Variants in BBS2 observed in about 807,000 individuals in gnomAD.
BBS2 encodes BBSome complex member BBS2.
BBS2 carries 62 observed loss-of-function variants against 83.0 expected under a neutral mutation model. The ratio of observed to expected loss-of-function variants is 0.75; its 90% CI spans 0.61 to 0.92. The LOEUF is 0.92. Ranked by LOEUF, BBS2 falls within the 40% of genes least tolerant of loss-of-function variation. The pLI is 0.00. For synonymous variants in BBS2, 303 were observed against 326.1 expected, an observed-to-expected ratio of 0.93 and a Z score of 0.76; for missense variants, 784 against 901.0, an observed-to-expected ratio of 0.87 and a Z score of 1.66.
chr16:56,476,014 C>G (rs1365924849), intron 17 of BBS2: 1 of 1,586,008 alleles, frequency 6.3e-7, no homozygotes, highest in Non-Finnish European at 8.6e-7. Flanking sequence ...GTTCTGTGTT[C>G]TGATGTGTCA....
At chr16:56,491,673 A>T (rs1963953208) in intron 15 of BBS2, among the ~76,000 whole-genome samples, 1 of 151,868 alleles carries the variant, frequency 6.6e-6, no homozygotes, top group Non-Finnish European at 1.5e-5. Context: ...GAATTAAAAC[A>T]ATGAAAAATG....
chr16:56,519,600 A>T, intron 1 of BBS2, 146 bp downstream of exon 1: 1 of 659,986 alleles, frequency 1.5e-6, no homozygotes, highest in Non-Finnish European at 2.7e-6. Flanking sequence ...CCTCTGCAGG[A>T]TGGAGCCACA....
chr16:56,490,112 TCACA>T (rs1166402599), intron 15 of BBS2, among the ~76,000 whole-genome samples: 2 of 137,894 alleles, frequency 1.5e-5, no homozygotes, highest in Non-Finnish European at 3.1e-5. Flanking sequence ...AGACCCTATC[TCACA>T]CACACACACA....
chr16:56,519,790 C>T lies in BBS2; in HGVS notation c.73G>A (p.Asp25Asn). The T allele has an allele frequency of 6.2e-7, 1 of 1,613,760 alleles. No homozygotes were observed. The highest frequency in any genetic ancestry group is 8.5e-7 in the Non-Finnish European group (1 of 1,179,808). Residue 25 changes from aspartate to asparagine, a missense_variant, in exon 1 of 17, where the codon GAC (aspartate) becomes AAC (asparagine). Physicochemically the swap from Asp to Asn is conservative, Grantham distance 23. Coordinates refer to ENST00000245157, the MANE Select transcript of BBS2 (RefSeq NM_031885.5). ...GCCGCCAGGCACGGGTGAGTCCCGT[C>T]GTAGCGCCCTATGGCCACCATTCGG... ...SPRMVAIGRY[D>N]GTHPCLAAAT... is the part of the protein sequence containing the mutation.
At chr16:56,516,545 C>T (rs1183724736) in intron 1 of BBS2, among the ~76,000 whole-genome samples, 3 of 151,956 alleles carry the variant, frequency 2.0e-5, no homozygotes, top group Non-Finnish European at 4.4e-5. Flanking sequence ...TACAGGGGTG[C>T]GCCACTACGC....
intron 15 of BBS2, among the ~76,000 whole-genome samples, chr16:56,490,112 T>TCACACACA (rs1166402599): frequency 7.3e-6 from 1 of 137,894 alleles, no homozygotes; most frequent in African/African-American, 2.8e-5. Context: ...AGACCCTATC[T>TCACACACA]CACACACACA....
rs749432450 is a variant in BBS2, at chr16:56,499,767, G to A, written c.1527+11C>T. ...TGTAAAAGCATTGAAAGAGAAAAGC[G>A]AGATACTCACCCTCTGTGCCCGTTC... On this transcript the variant is annotated intron_variant, in intron 12 of 16. Coordinates refer to ENST00000245157, the MANE Select transcript of BBS2 (RefSeq NM_031885.5). 7.4e-6 allele frequency: 12 copies of A among 1,613,772 alleles called. No individual in the cohort carries two copies. The highest frequency in any genetic ancestry group is 2.7e-5 in the African/African-American group (2 of 74,884).
chr16:56,475,552 G>A (rs1341429295), intron 17 of BBS2: 2 of 1,613,936 alleles, frequency 1.2e-6, no homozygotes, highest in East Asian at 2.2e-5. Context: ...ATTGCCAAAG[G>A]TGAAGATGAA....
intron 12 of BBS2, 56 bp downstream of exon 12, chr16:56,499,722 A>G: frequency 6.2e-7 from 1 of 1,608,294 alleles, no homozygotes; most frequent in Admixed American, 1.7e-5. Flanking sequence ...CTATGAAATA[A>G]CATCTAAAGG....
intron 16 of BBS2, 133 bp from the exon 17 acceptor site, chr16:56,485,000 C>G (rs1282816145): frequency 2.9e-5 from 21 of 731,302 alleles, no homozygotes; most frequent in Non-Finnish European, 4.7e-5. Context: ...CTTACCATTC[C>G]CTAAAAAAAA....
chr16:56,500,038 C>T, intron 11 of BBS2, 131 bp from the exon 12 acceptor site: 1 of 1,073,308 alleles, frequency 9.3e-7, no homozygotes, highest in Non-Finnish European at 1.4e-6. Context: ...GAAGGAACCC[C>T]CAAAACACTT....
At chr16:56,491,725 CAAAAAAA>C (rs773397021) in intron 15 of BBS2, among the ~76,000 whole-genome samples, 1 of 43,228 alleles carries the variant, frequency 2.3e-5, no homozygotes. Context: ...AACTCAACAG[CAAAAAAA>C]AAAAAAAAAA....
chr16:56,495,600 T>C (rs75726055), intron 15 of BBS2, among the ~76,000 whole-genome samples: 2,874 of 152,300 alleles, frequency 0.019, 88 homozygotes, highest in African/African-American at 0.064. Flanking sequence ...GTATGGACTT[T>C]GATCTGGATT....
At chr16:56,477,524 T>C (rs553872976) in intron 17 of BBS2, 21 of 152,346 alleles carry the variant, frequency 1.4e-4, no homozygotes, top group African/African-American at 5.1e-4. Context: ...CTAAATACTG[T>C]AGGGTCAACT....
At chr16:56,493,317 T>C (rs77288249) in intron 15 of BBS2, among the ~76,000 whole-genome samples, 6,342 of 149,784 alleles carry the variant, frequency 0.042, 205 homozygotes, top group East Asian at 0.16. Flanking sequence ...GCCCGGGTGG[T>C]TGAAGCTGCA....
At chr16:56,489,975 G>A (rs1009022056) in intron 15 of BBS2, among the ~76,000 whole-genome samples, 3 of 151,952 alleles carry the variant, frequency 2.0e-5, no homozygotes, top group Middle Eastern at 6.8e-3. Context: ...AAATTAGCTG[G>A]CTATGGTAGC....
At chr16:56,496,922 C>A (rs1308432443) in intron 15 of BBS2, 45 bp downstream of exon 15, 8 of 1,365,528 alleles carry the variant, frequency 5.9e-6, no homozygotes, top group South Asian at 1.2e-5. Flanking sequence ...CCATACTGCT[C>A]ACATTTTTAA....
rs886052146 is a variant in BBS2, at chr16:56,501,460, T to C, written c.1118A>G (p.His373Arg). 6.2e-7 allele frequency: 1 copy of C among 1,614,156 alleles called. No individual in the cohort carries two copies. The highest frequency in any genetic ancestry group is 8.5e-7 in the Non-Finnish European group (1 of 1,180,020). The change falls in exon 10 of 17, where the codon CAT becomes CGT. Residue 373 changes from histidine to arginine, a missense_variant. Coordinates refer to ENST00000245157, the MANE Select transcript of BBS2 (RefSeq NM_031885.5). ...LASPLNEADG[H>R]RGIIPANTRL... Reference sequence around the variant, plus strand: ...GGTATTGGCTGGGATTATGCCCCGATGCCCATCAGCCTCGTTCAGTGGACT... The same window carrying C: ...GGTATTGGCTGGGATTATGCCCCGACGCCCATCAGCCTCGTTCAGTGGACT...
rs758097463 is a variant in BBS2, at chr16:56,501,381, A to G, written c.1197T>C (p.His399=). 2 of 1,613,918 alleles carry G rather than the reference A, an allele frequency of 1.2e-6. No individual in the cohort carries two copies. Among genetic ancestry groups the G allele is most frequent in the East Asian group, 2.2e-5 (1 of 44,880 alleles). The change falls in exon 10 of 17, where the codon CAT becomes CAC. Residue 399 remains histidine (H), a synonymous_variant. Transcript: ENST00000245157. ...TAGAAGTGGAAATGCGTAATTCTGT[A>G]TGAGCAGTTTGGGTCTCATTCCCCA... The part of the protein sequence containing the change: ...VSLGNETQTA[H]TELRISTSND...
Sources: gnomAD v4.1 joint callset for allele counts (sites outside exome capture counted in the v4.1 genomes callset) on GRCh38, gnomAD v4.1.1 for gene constraint, MANE v1.5 for transcripts, NCBI Gene and HGNC (gene_info 2026-07-23, HGNC 2026-07-21) for gene names.